PDE11A: variants seen among roughly 807,000 people sequenced by gnomAD.
The protein encoded by PDE11A is phosphodiesterase 11A.
Under a neutral mutation model 100.5 loss-of-function variants are expected in PDE11A, and 100 were observed. The observed-to-expected ratio is 1.00, with a 90% CI of 0.85 to 1.18. The LOEUF is 1.18. PDE11A is among the 50% of genes most tolerant of loss of function. The probability of loss-of-function intolerance (pLI) is 0.00; values close to 1 mark genes in which losing one functional copy is unlikely to be tolerated. For missense variants in PDE11A, 1,141 were observed against 1,152.6 expected, an observed-to-expected ratio of 0.99 and a Z score of 0.15; for synonymous variants, 381 against 420.8, an observed-to-expected ratio of 0.91 and a Z score of 1.16.
intron 9 of PDE11A, among the ~76,000 whole-genome samples, chr2:177,815,457 G>A (rs1348463213): frequency 2.6e-5 from 4 of 152,102 alleles, no homozygotes; most frequent in Non-Finnish European, 5.9e-5. Flanking sequence ...TATAGATACT[G>A]TTTTTAGTCC....
intron 4 of PDE11A, among the ~76,000 whole-genome samples, chr2:177,884,431 A>T (rs1308241591): frequency 6.6e-6 from 1 of 152,160 alleles, no homozygotes; most frequent in Non-Finnish European, 1.5e-5. Flanking sequence ...AGATGAAATG[A>T]TCTTCATTGT....
chr2:177,841,454 C>G (rs1476581045), intron 5 of PDE11A, among the ~76,000 whole-genome samples: 3 of 152,158 alleles, frequency 2.0e-5, no homozygotes, highest in African/African-American at 7.2e-5. Context: ...AATCATCACT[C>G]TATTGACTTT....
intron 2 of PDE11A, among the ~76,000 whole-genome samples, chr2:177,919,969 G>A (rs1375542001): frequency 6.6e-6 from 1 of 151,988 alleles, no homozygotes; most frequent in East Asian, 1.9e-4. Flanking sequence ...CATAAAATAA[G>A]CTCATATGTA....
chr2:177,679,793 G>A (rs1460900619), intron 16 of PDE11A, among the ~76,000 whole-genome samples: 1 of 152,038 alleles, frequency 6.6e-6, no homozygotes, highest in Non-Finnish European at 1.5e-5. Context: ...TTTGAAAATG[G>A]AAGCTGAAGG....
chr2:178,028,273 C>A (rs1295819872), intron 1 of PDE11A, among the ~76,000 whole-genome samples: 5 of 132,908 alleles, frequency 3.8e-5, no homozygotes, highest in Non-Finnish European at 7.7e-5. Context: ...GGACTCCTTG[C>A]AGAAGTTATA....
chr2:177,963,857 A>G (rs2085665213), intron 2 of PDE11A, among the ~76,000 whole-genome samples: 1 of 151,988 alleles, frequency 6.6e-6, no homozygotes, highest in Non-Finnish European at 1.5e-5. Context: ...ATCCAGCTGC[A>G]CCCCTTCAGA....
chr2:177,674,014 T>G (rs1245303956), intron 17 of PDE11A, among the ~76,000 whole-genome samples: 1 of 152,176 alleles, frequency 6.6e-6, no homozygotes, highest in Non-Finnish European at 1.5e-5. Context: ...TTAAAGCCAC[T>G]AAGATCTTGG....
intron 1 of PDE11A, among the ~76,000 whole-genome samples, chr2:178,056,544 T>G (rs1353533396): frequency 2.6e-5 from 4 of 152,194 alleles, no homozygotes; most frequent in Non-Finnish European, 5.9e-5. Context: ...CCTTTTTACA[T>G]TGCAAGACAT....
intron 1 of PDE11A, among the ~76,000 whole-genome samples, chr2:178,048,566 C>A (rs972921734): frequency 1.3e-5 from 2 of 152,142 alleles, no homozygotes; most frequent in Non-Finnish European, 2.9e-5. Context: ...AGGGCATGCA[C>A]AACCTAGCTC....
At position 177,700,798 on chromosome 2, in the gene PDE11A, G is replaced by C. The variant is rs116673991; in HGVS notation, c.2244+323C>G. On this transcript the variant is annotated intron_variant, in intron 14 of 19. Coordinates refer to ENST00000286063, the MANE Select transcript of PDE11A (RefSeq NM_016953.4). Reference sequence around the variant, plus strand: ...GGCCGCTCATTATTTGGATCAAGTTGTTCCCTTAGTGCTCTGTATCCTTTG... The same window carrying C: ...GGCCGCTCATTATTTGGATCAAGTTCTTCCCTTAGTGCTCTGTATCCTTTG... Among the ~76,000 whole-genome samples, 403 of 152,294 alleles carry C rather than the reference G, an allele frequency of 2.6e-3. 2 individuals are homozygous for C. The highest frequency in any genetic ancestry group is 0.01 in the Middle Eastern group (3 of 294).
At chr2:178,058,830 T>C (rs369026719) in intron 1 of PDE11A, among the ~76,000 whole-genome samples, 120 of 152,216 alleles carry the variant, frequency 7.9e-4, no homozygotes, top group African/African-American at 2.7e-3. Context: ...GCAAGAGTCA[T>C]ACAGATAAAT....
chr2:177,816,407 A>G (rs2083040047), intron 9 of PDE11A, among the ~76,000 whole-genome samples: 1 of 152,120 alleles, frequency 6.6e-6, no homozygotes, highest in Non-Finnish European at 1.5e-5. Flanking sequence ...AGGGAATCGG[A>G]TAATGACAGG....
At chr2:177,749,241 A>G (rs1213971556) in intron 10 of PDE11A, among the ~76,000 whole-genome samples, 1 of 151,744 alleles carries the variant, frequency 6.6e-6, no homozygotes, top group Non-Finnish European at 1.5e-5. Context: ...GGTCTCTCAC[A>G]CTCTGTTGCC....
intron 6 of PDE11A, among the ~76,000 whole-genome samples, chr2:177,831,175 A>G (rs2083302579): frequency 6.6e-6 from 1 of 152,090 alleles, no homozygotes; most frequent in African/African-American, 2.4e-5. Flanking sequence ...ATTTAAGACA[A>G]TCACTAAGAG....
intron 19 of PDE11A, among the ~76,000 whole-genome samples, chr2:177,660,419 G>A (rs1320627356): frequency 1.3e-5 from 2 of 151,948 alleles, no homozygotes; most frequent in East Asian, 1.9e-4. Context: ...AGCCTCTCTC[G>A]TTGACAATAT....
intron 13 of PDE11A, chr2:177,702,683 T>G (rs2081218165): frequency 6.6e-6 from 1 of 152,304 alleles, no homozygotes; most frequent in Middle Eastern, 3.4e-3. Flanking sequence ...ACAAGTGACC[T>G]GCAATTCTTG....
At chr2:177,664,069 C>A in intron 18 of PDE11A, 120 bp from the exon 19 acceptor site, 1 of 694,820 alleles carries the variant, frequency 1.4e-6, no homozygotes. Flanking sequence ...TCGCAAATCA[C>A]AATCAATCTT....
At chr2:177,834,180 C>A (rs951844752) in intron 6 of PDE11A, among the ~76,000 whole-genome samples, 1 of 152,168 alleles carries the variant, frequency 6.6e-6, no homozygotes, top group Non-Finnish European at 1.5e-5. Flanking sequence ...AGACAAGAAC[C>A]CAGATTAGCT....
intron 1 of PDE11A, among the ~76,000 whole-genome samples, chr2:178,030,663 C>T (rs952457147): frequency 1.3e-5 from 2 of 151,956 alleles, no homozygotes; most frequent in African/African-American, 4.8e-5. Flanking sequence ...ATTGCTTGAG[C>T]CCTGGAGTTT....
Sources: gnomAD v4.1 joint callset for allele counts (sites outside exome capture counted in the v4.1 genomes callset) on GRCh38, gnomAD v4.1.1 for gene constraint, MANE v1.5 for transcripts, NCBI Gene and HGNC (gene_info 2026-07-23, HGNC 2026-07-21) for gene names.